ST6GALNAC3: variants seen among roughly 807,000 people sequenced by gnomAD.
ST6GALNAC3 encodes the protein ST6 N-acetylgalactosaminide alpha-2,6-sialyltransferase 3, also known as alpha-N-acetylgalactosaminide alpha-2,6-sialyltransferase 3.
ST6GALNAC3 carries 25 observed loss-of-function variants against 32.7 expected under a neutral mutation model. The observed-to-expected ratio is 0.76, with a 90% confidence interval of 0.56 to 1.07. The LOEUF is 1.07. Among genes scored for constraint, ST6GALNAC3 ranks in the 50% least tolerant of loss-of-function variants. ST6GALNAC3 has a pLI of 0.00. For missense variants in ST6GALNAC3, 355 were observed against 382.4 expected (o/e 0.93, Z 0.60); for synonymous variants, 129 against 133.1 (o/e 0.97, Z 0.21).
At chr1:76,520,251 G>A (rs535168402) in intron 3 of ST6GALNAC3, among the ~76,000 whole-genome samples, 3 of 152,172 alleles carry the variant, frequency 2.0e-5, no homozygotes, top group South Asian at 2.1e-4. Flanking sequence ...AGGAGCCTTC[G>A]TTCTATGTAC....
At chr1:76,321,770 A>G (rs1423441393) in intron 2 of ST6GALNAC3, among the ~76,000 whole-genome samples, 1 of 152,202 alleles carries the variant, frequency 6.6e-6, no homozygotes, top group African/African-American at 2.4e-5. Context: ...TCAATTTCCC[A>G]AGGTTATAAT....
chr1:76,337,195 C>T (rs1053222550), intron 2 of ST6GALNAC3, among the ~76,000 whole-genome samples: 2 of 152,224 alleles, frequency 1.3e-5, no homozygotes, highest in Non-Finnish European at 2.9e-5. Context: ...AACCCCCGCC[C>T]CTTGGACAAG....
At chr1:76,101,352 T>C (rs890564915) in intron 1 of ST6GALNAC3, among the ~76,000 whole-genome samples, 5 of 152,198 alleles carry the variant, frequency 3.3e-5, no homozygotes, top group African/African-American at 1.2e-4. Context: ...CATTTGTTTT[T>C]AGCACTGAAC....
chr1:76,342,758 A>G (rs1249592588), intron 2 of ST6GALNAC3, among the ~76,000 whole-genome samples: 1 of 151,526 alleles, frequency 6.6e-6, no homozygotes, highest in Non-Finnish European at 1.5e-5. Flanking sequence ...AATTTTTTAT[A>G]GTAGCCATTC....
chr1:76,401,157 T>G (rs1008408361), intron 2 of ST6GALNAC3, among the ~76,000 whole-genome samples: 9 of 152,158 alleles, frequency 5.9e-5, no homozygotes, highest in African/African-American at 2.2e-4. Flanking sequence ...CCTCTGAGAT[T>G]TCAAATAAAT....
At chr1:76,112,374 A>C (rs1344920021) in intron 1 of ST6GALNAC3, among the ~76,000 whole-genome samples, 9 of 122,420 alleles carry the variant, frequency 7.4e-5, no homozygotes, top group East Asian at 2.6e-4. Flanking sequence ...CGGGGGGCTG[A>C]CCCCCCCACC....
intron 2 of ST6GALNAC3, among the ~76,000 whole-genome samples, chr1:76,382,760 G>T (rs1016715): frequency 6.6e-6 from 1 of 151,952 alleles, no homozygotes; most frequent in African/African-American, 2.4e-5. Flanking sequence ...TATTAATCAC[G>T]ACTAGTTTCA....
chr1:76,515,212 C>A (rs144755035), intron 3 of ST6GALNAC3, among the ~76,000 whole-genome samples: 1 of 152,124 alleles, frequency 6.6e-6, no homozygotes, highest in Admixed American at 6.5e-5. Flanking sequence ...ATTGATCTGT[C>A]CAAATTTTCA....
At chr1:76,139,087 G>A (rs1323920019) in intron 1 of ST6GALNAC3, among the ~76,000 whole-genome samples, 4 of 152,030 alleles carry the variant, frequency 2.6e-5, no homozygotes, top group Non-Finnish European at 5.9e-5. Flanking sequence ...CCAGCTACTA[G>A]GGAGGCTGAG....
intron 1 of ST6GALNAC3, among the ~76,000 whole-genome samples, chr1:76,299,305 G>A (rs1283388648): frequency 2.6e-5 from 4 of 151,966 alleles, no homozygotes; most frequent in South Asian, 2.1e-4. Flanking sequence ...TCAGGCATAC[G>A]AAATACCCAG....
chr1:76,255,032 T>C (rs902428933), intron 1 of ST6GALNAC3, among the ~76,000 whole-genome samples: 1 of 149,138 alleles, frequency 6.7e-6, no homozygotes, highest in Non-Finnish European at 1.5e-5. Context: ...CTCTCTCTCT[T>C]TTTTTTTTTT....
chr1:76,549,763 C>T (rs1252171147), intron 3 of ST6GALNAC3, among the ~76,000 whole-genome samples: 2 of 152,062 alleles, frequency 1.3e-5, no homozygotes, highest in African/African-American at 4.8e-5. Context: ...TTCTTTGATT[C>T]GGCCAAAGTG....
intron 2 of ST6GALNAC3, among the ~76,000 whole-genome samples, chr1:76,334,237 C>T (rs543350319): frequency 2.6e-5 from 4 of 152,258 alleles, no homozygotes; most frequent in African/African-American, 9.6e-5. Flanking sequence ...TAATTTACAC[C>T]ACTTATGATA....
At chr1:76,567,033 G>A (rs1419605106) in intron 3 of ST6GALNAC3, among the ~76,000 whole-genome samples, 1 of 152,062 alleles carries the variant, frequency 6.6e-6, no homozygotes, top group East Asian at 1.9e-4. Context: ...GAAGAAAAAA[G>A]AATGAGGACA....
chr1:76,154,232 TG>T (rs1651240169), intron 1 of ST6GALNAC3, among the ~76,000 whole-genome samples: 1 of 152,082 alleles, frequency 6.6e-6, no homozygotes, highest in Admixed American at 6.6e-5. Context: ...CAACCCAGGC[TG>T]ACCCCGTAGC....
intron 2 of ST6GALNAC3, among the ~76,000 whole-genome samples, chr1:76,339,389 C>T (rs1647772237): frequency 6.6e-6 from 1 of 152,056 alleles, no homozygotes; most frequent in Non-Finnish European, 1.5e-5. Context: ...TGGGAAGTTC[C>T]TAGGAAAAAG....
At chr1:76,122,970 C>T (rs1648984808) in intron 1 of ST6GALNAC3, among the ~76,000 whole-genome samples, 1 of 152,202 alleles carries the variant, frequency 6.6e-6, no homozygotes, top group African/African-American at 2.4e-5. Context: ...TCAGCATCAC[C>T]TGGACATTTA....
chr1:76,259,869 C>A (rs764817246), intron 1 of ST6GALNAC3, among the ~76,000 whole-genome samples: 2 of 152,088 alleles, frequency 1.3e-5, no homozygotes, highest in Non-Finnish European at 2.9e-5. Context: ...ATTTAAATGA[C>A]CCCCTTCATT....
intron 1 of ST6GALNAC3, among the ~76,000 whole-genome samples, chr1:76,210,749 T>A (rs1322565348): frequency 6.6e-6 from 1 of 152,078 alleles, no homozygotes; most frequent in Non-Finnish European, 1.5e-5. Flanking sequence ...TGTCTCTTCC[T>A]CTTATTTATT....
Sources: allele counts gnomAD v4.1 joint callset (sites outside exome capture counted in the v4.1 genomes callset), GRCh38; gene constraint gnomAD v4.1.1; transcripts MANE v1.5; gene names NCBI Gene and HGNC (gene_info 2026-07-23, HGNC 2026-07-21).